DSG2: variants seen among roughly 807,000 people sequenced by gnomAD.
DSG2 encodes the protein desmoglein-2.
DSG2 carries 45 observed loss-of-function variants against 75.6 expected under a neutral mutation model. The ratio of observed to expected loss-of-function variants is 0.60; its 90% CI spans 0.47 to 0.76. DSG2 has a LOEUF of 0.76. Ranked by LOEUF, DSG2 falls within the 30% of genes least tolerant of loss-of-function variation. DSG2 has a pLI of 0.00. For missense variants in DSG2, 1,267 were observed against 1,357.4 expected, an observed-to-expected ratio of 0.93 and a Z score of 1.05; for synonymous variants, 429 against 483.9, an observed-to-expected ratio of 0.89 and a Z score of 1.49.
At position 31,546,083 on chromosome 18, in the gene DSG2, A is replaced by G; in HGVS notation, c.2697A>G (p.Ala899=). ...PVPKSLQEAN[A]EKVTQEIVTE... ...CAAAATCTTTGCAAGAAGCCAATGC[A>G]GAGAAAGTAACTCAGGAAATAGTCA... Residue 899 remains alanine, a synonymous_variant, in exon 15 of 15, where the codon GCA becomes GCG. Transcript: ENST00000261590. 6.2e-7 allele frequency: 1 copy of G among 1,614,232 alleles called. No individual in the cohort carries two copies. The highest frequency in any genetic ancestry group is 8.5e-7 in the Non-Finnish European group (1 of 1,180,040).
intron 8 of DSG2, 120 bp from the exon 9 acceptor site, chr18:31,530,867 G>T (rs1040314039): frequency 1.0e-6 from 1 of 976,502 alleles, no homozygotes; most frequent in African/African-American, 1.6e-5. Flanking sequence ...ATTCAGTGCT[G>T]CTATATTTCC....
At chr18:31,510,361 C>T (rs2073060065) in intron 1 of DSG2, among the ~76,000 whole-genome samples, 1 of 152,194 alleles carries the variant, frequency 6.6e-6, no homozygotes, top group African/African-American at 2.4e-5. Flanking sequence ...GATCACCTCA[C>T]CATAAAACCA....
chr18:31,535,461 TA>T, intron 10 of DSG2, 49 bp downstream of exon 10: 2 of 1,476,678 alleles, frequency 1.4e-6, no homozygotes, highest in Non-Finnish European at 1.9e-6. Context: ...TTTAGATTTT[TA>T]TTTTCCAACA....
rs567390678 is a variant in DSG2 at position 31,537,236 on chromosome 18, A to G, written c.1651+807A>G. Among the ~76,000 whole-genome samples, 96 of 152,340 alleles carry G rather than the reference A, an allele frequency of 6.3e-4. 2 individuals are homozygous for G. The South Asian group carries it at 0.019, about 30-fold the overall frequency. ...AGAGGGTTTGAATAATGTTTAGTCC[A>G]ATTAACAAATTAAACACCATCAATA... On this transcript the variant is annotated intron_variant, in intron 11 of 14. Coordinates refer to ENST00000261590, the MANE Select transcript of DSG2 (RefSeq NM_001943.5).
At chr18:31,520,037 T>G in intron 3 of DSG2, 100 bp downstream of exon 3, 2 of 1,455,016 alleles carry the variant, frequency 1.4e-6, no homozygotes, top group African/African-American at 2.8e-5. Flanking sequence ...ATGTATGATG[T>G]GCTTACAGAA....
intron 1 of DSG2, among the ~76,000 whole-genome samples, 196 bp downstream of exon 1, chr18:31,498,492 G>T (rs1021864972): frequency 3.9e-5 from 6 of 152,290 alleles, no homozygotes; most frequent in Admixed American, 2.0e-4. Context: ...AATCCTCTTG[G>T]CTGGAGCCAG....
Position 31,538,946 on chromosome 18 carries a change from C to T in DSG2, c.1847C>T (p.Ala616Val), listed in dbSNP as rs375527314. 4.6e-5 allele frequency: 75 copies of T among 1,613,946 alleles called. No homozygotes were observed. The East Asian group carries it at 9.6e-4, about 21-fold the overall frequency. The part of the protein sequence containing the change: ...SYVGLGPAAI[A>V]LMILAFLLLL... ...GTGGGCCTGGGACCCGCAGCAATTG[C>T]GCTCATGATTTTGGCCTTTCTGCTC... is the stretch of plus-strand genomic sequence containing the variant. Residue 616 changes from alanine to valine, a missense_variant, in exon 12 of 15, where the codon GCG (alanine) becomes GTG (valine). Ala to Val is a moderately conservative substitution (Grantham distance 64). Coordinates refer to ENST00000261590, the MANE Select transcript of DSG2 (RefSeq NM_001943.5).
At chr18:31,538,247 AATGTAT>A (rs1408400372) in intron 11 of DSG2, among the ~76,000 whole-genome samples, 1 of 152,058 alleles carries the variant, frequency 6.6e-6, no homozygotes, top group Non-Finnish European at 1.5e-5. Flanking sequence ...TTCCATTTTG[AATGTAT>A]ATAGTGTTGA....
At chr18:31,509,228 A>G (rs1311584252) in intron 1 of DSG2, among the ~76,000 whole-genome samples, 1 of 152,228 alleles carries the variant, frequency 6.6e-6, no homozygotes, top group Non-Finnish European at 1.5e-5. Flanking sequence ...AAAAGCTTTC[A>G]AAGAAACTGT....
chr18:31,532,395 A>C (rs1335336963), intron 9 of DSG2, among the ~76,000 whole-genome samples: 2 of 152,110 alleles, frequency 1.3e-5, no homozygotes, highest in Non-Finnish European at 2.9e-5. Flanking sequence ...ATATGATCAT[A>C]CTGCATATTA....
rs536496589 is a variant in DSG2, at chr18:31,499,780, C to T, written c.45+1484C>T. Among the ~76,000 whole-genome samples the T allele has an allele frequency of 5.9e-5, 9 of 152,250 alleles. No individual in the cohort carries two copies. In the South Asian group the frequency reaches 1.9e-3, roughly 32 times the overall value. ...TAGCAATCAGGCCAATTTGTACACT[C>T]ACAGAGTAGCAGGTAAGCAAATTAG... On this transcript the variant is annotated intron_variant, in intron 1 of 14. Coordinates refer to ENST00000261590, the MANE Select transcript of DSG2 (RefSeq NM_001943.5).
At chr18:31,545,484 T>A (rs2073298120) in intron 14 of DSG2, among the ~76,000 whole-genome samples, 1 of 152,188 alleles carries the variant, frequency 6.6e-6, no homozygotes, top group Non-Finnish European at 1.5e-5. Context: ...TTTAGTCTCC[T>A]TTAATCTGAA....
At chr18:31,521,473 G>A (rs1482027260) in intron 5 of DSG2, among the ~76,000 whole-genome samples, 1 of 152,068 alleles carries the variant, frequency 6.6e-6, no homozygotes, top group African/African-American at 2.4e-5. Flanking sequence ...TAAGGTCTCT[G>A]TAGCAACTAC....
chr18:31,504,929 C>T (rs2073031396), intron 1 of DSG2, among the ~76,000 whole-genome samples: 1 of 152,200 alleles, frequency 6.6e-6, no homozygotes, highest in Non-Finnish European at 1.5e-5. Flanking sequence ...ACTCCTACTT[C>T]TACCTGTCTA....
intron 1 of DSG2, among the ~76,000 whole-genome samples, chr18:31,517,749 G>A (rs2155950): frequency 0.066 from 10,020 of 152,040 alleles, 891 homozygotes; most frequent in African/African-American, 0.19. Flanking sequence ...TGGGACTGAG[G>A]ATGCTGAGGA....
intron 1 of DSG2, among the ~76,000 whole-genome samples, chr18:31,500,036 TAAA>T (rs10625787): frequency 8.1e-5 from 9 of 110,932 alleles, no homozygotes; most frequent in Admixed American, 1.0e-4. Context: ...AGTTTTTTGG[TAAA>T]AAAAAAAAAA....
chr18:31,516,699 T>C (rs1307236710), intron 1 of DSG2, among the ~76,000 whole-genome samples: 2 of 152,196 alleles, frequency 1.3e-5, no homozygotes, highest in Non-Finnish European at 2.9e-5. Context: ...AAGGGATCTA[T>C]TCAGCCACTG....
Position 31,524,918 on chromosome 18 carries a change from G to A in DSG2, c.1014+30G>A, listed in dbSNP as rs150453575. ...GTACTAAGTATTCAAAACTGGCGTG[G>A]GCCAAGTTGGTGCTGGAAAGGAATC... On this transcript the variant is annotated intron_variant, in intron 8 of 14. Transcript: ENST00000261590. 81 of 1,604,624 alleles carry A rather than the reference G, an allele frequency of 5.0e-5. No homozygotes were observed. In the African/African-American group the frequency reaches 9.6e-4, roughly 19 times the overall value.
chr18:31,534,611 A>G (rs2144338532), intron 9 of DSG2, among the ~76,000 whole-genome samples: 1 of 147,856 alleles, frequency 6.8e-6, no homozygotes, highest in Middle Eastern at 3.6e-3. Flanking sequence ...CCTGGGTTCA[A>G]GCAGTTCTCC....
Sources: allele counts gnomAD v4.1 joint callset (sites outside exome capture counted in the v4.1 genomes callset), GRCh38; gene constraint gnomAD v4.1.1; transcripts MANE v1.5; gene names NCBI Gene and HGNC (gene_info 2026-07-23, HGNC 2026-07-21).